Variants in TAF1A observed in about 807,000 individuals in gnomAD.
TAF1A encodes the protein TATA-box binding protein associated factor, RNA polymerase I subunit A, also known as TATA box-binding protein-associated factor RNA polymerase I subunit A.
A neutral mutation model predicts 61.6 loss-of-function variants in TAF1A; 42 were observed. The ratio of observed to expected loss-of-function variants is 0.68; its 90% CI spans 0.53 to 0.88. The LOEUF is 0.88. Among genes scored for constraint, TAF1A ranks in the 40% least tolerant of loss-of-function variants. The pLI, the probability that TAF1A is intolerant of heterozygous loss-of-function variation, is 0.00. For missense variants in TAF1A, 424 were observed against 518.7 expected (o/e 0.82, Z 1.77); for synonymous variants, 179 against 177.7 (o/e 1.01, Z -0.06).
chr1:222,578,856 A>C (rs1660676157), intron 4 of TAF1A, among the ~76,000 whole-genome samples: 1 of 152,216 alleles, frequency 6.6e-6, no homozygotes, highest in Non-Finnish European at 1.5e-5. Flanking sequence ...AACAACAAAA[A>C]AAATTGTATT....
At chr1:222,554,550 T>A (rs1659706468), downstream of TAF1A, among the ~76,000 whole-genome samples, 1 of 152,238 alleles carries the variant, frequency 6.6e-6, no homozygotes, top group African/African-American at 2.4e-5. Flanking sequence ...GCCCTTGTGC[T>A]GTAAATATAG....
rs201906913 is a variant in TAF1A, at chr1:222,588,433, T to C, written c.121+10A>G. The C allele has an allele frequency of 9.9e-6, 16 of 1,611,172 alleles. No homozygotes were observed. The East Asian group carries it at 1.1e-4, about 11-fold the overall frequency. On this transcript the variant is annotated intron_variant, in intron 2 of 10. Coordinates refer to ENST00000352967, the MANE Select transcript of TAF1A (RefSeq NM_005681.4). ...AAGTTAAAATGGCTCAATGTTATTA[T>C]TTTACTTACCCACAGTTTCTACGTA...
chr1:222,586,633 T>C (rs1201720426), intron 2 of TAF1A, among the ~76,000 whole-genome samples: 1 of 152,212 alleles, frequency 6.6e-6, no homozygotes, highest in East Asian at 1.9e-4. Context: ...TCAAAGAATC[T>C]GGAAACTTAT....
intron 5 of TAF1A, among the ~76,000 whole-genome samples, chr1:222,572,354 T>C (rs1660393377): frequency 6.6e-6 from 1 of 152,080 alleles, no homozygotes; most frequent in Non-Finnish European, 1.5e-5. Context: ...GGTAACTAAT[T>C]TTCTTTTGTG....
intron 10 of TAF1A, among the ~76,000 whole-genome samples, chr1:222,560,003 C>T (rs545655437): frequency 4.6e-5 from 7 of 152,268 alleles, no homozygotes; most frequent in African/African-American, 1.7e-4. Context: ...GCTTAATAAA[C>T]TAACTCTCAA....
rs1661117749 is a variant in TAF1A, at chr1:222,588,539, T to C, written c.25A>G (p.Lys9Glu). Residue 9 changes from lysine to glutamate, a missense_variant, in exon 2 of 11, where the codon AAA (lysine) becomes GAA (glutamate). Physicochemically the swap from Lys to Glu is moderately conservative, Grantham distance 56. Transcript: ENST00000352967. ...TCTTCATCATCTGTCACAGGCCCTT[T>C]TAATTCTTCACTGAAATCACTCATA... MSDFSEELKGPVTDDEEVE... is the reference protein window; with the variant it reads MSDFSEELEGPVTDDEEVE... The C allele has an allele frequency of 1.2e-6, 2 of 1,614,020 alleles. No individual in the cohort carries two copies. The highest frequency in any genetic ancestry group is 2.7e-5 in the African/African-American group (2 of 75,056).
intron 3 of TAF1A, among the ~76,000 whole-genome samples, chr1:222,580,267 T>C (rs1462709209): frequency 6.6e-6 from 1 of 152,198 alleles, no homozygotes; most frequent in Non-Finnish European, 1.5e-5. Flanking sequence ...ATCTGCAAAA[T>C]GAGGGCAACA....
intron 2 of TAF1A, among the ~76,000 whole-genome samples, chr1:222,587,103 C>T (rs1258284051): frequency 6.6e-6 from 1 of 152,146 alleles, no homozygotes; most frequent in African/African-American, 2.4e-5. Context: ...ACCAGGGATG[C>T]GGTAGCACTA....
At chr1:222,570,420 C>A in intron 6 of TAF1A, 115 bp downstream of exon 6, 1 of 1,157,174 alleles carries the variant, frequency 8.6e-7, no homozygotes. Context: ...TTTTTGCTTT[C>A]TTTTAAATAA....
intron 6 of TAF1A, 35 bp downstream of exon 6, chr1:222,570,500 A>G: frequency 6.3e-7 from 1 of 1,579,154 alleles, no homozygotes; most frequent in East Asian, 2.2e-5. Flanking sequence ...TTTTGACAAA[A>G]TAAAACCAAT....
At position 222,569,465 on chromosome 1, in the gene TAF1A, G is replaced by A. The variant is rs773586045; in HGVS notation, c.894+45C>T. 6.8e-6 allele frequency: 11 copies of A among 1,613,332 alleles called. No homozygotes were observed. In the Admixed American group the frequency reaches 1.8e-4, roughly 27 times the overall value. The stretch of plus-strand genomic sequence containing the variant: ...AGCAATGGCCTAAGAATGTTTTAAT[G>A]TAGATTCCCAACCCTGGTCAAACAT... On this transcript the variant is annotated intron_variant, in intron 7 of 10. Coordinates refer to ENST00000352967, the MANE Select transcript of TAF1A (RefSeq NM_005681.4).
intron 3 of TAF1A, among the ~76,000 whole-genome samples, chr1:222,580,803 T>C (rs544688789): frequency 6.6e-6 from 1 of 151,406 alleles, no homozygotes; most frequent in South Asian, 2.1e-4. Flanking sequence ...TTTGAGATTA[T>C]GATAGCTATT....
In TAF1A at chr1:222,577,555, T is replaced by G. The variant is rs760052839; in HGVS notation, c.494A>C (p.His165Pro). The G allele has an allele frequency of 4.3e-5, 69 of 1,613,888 alleles. No individual in the cohort carries two copies. Among genetic ancestry groups the G allele is most frequent in the Non-Finnish European group, 5.7e-5 (67 of 1,179,888 alleles). ...RNLSEAETWR[H>P]GENTSSREIL... Reference sequence around the variant, plus strand: ...TTCCCGGGAAGACGTATTTTCACCATGTCTCCATGTCTCTGCCTCACTCAG... The same window carrying G: ...TTCCCGGGAAGACGTATTTTCACCAGGTCTCCATGTCTCTGCCTCACTCAG... The change falls in exon 5 of 11, where the codon CAT becomes CCT. Residue 165 changes from histidine to proline, a missense_variant. Coordinates refer to ENST00000352967, the MANE Select transcript of TAF1A (RefSeq NM_005681.4).
intron 10 of TAF1A, among the ~76,000 whole-genome samples, chr1:222,560,353 G>A (rs1275815202): frequency 2.0e-5 from 3 of 152,146 alleles, no homozygotes; most frequent in South Asian, 2.1e-4. Flanking sequence ...ACTTTGATGC[G>A]ATGTTCACAT....
chr1:222,584,466 TATTA>T (rs1380243513), intron 2 of TAF1A, among the ~76,000 whole-genome samples, 169 bp from the exon 3 acceptor site: 1 of 152,208 alleles, frequency 6.6e-6, no homozygotes, highest in Non-Finnish European at 1.5e-5. Flanking sequence ...TTCTACATTA[TATTA>T]ATTATTTTTA....
chr1:222,584,884 C>A (rs779722725), intron 2 of TAF1A, among the ~76,000 whole-genome samples: 2 of 152,234 alleles, frequency 1.3e-5, no homozygotes, highest in Non-Finnish European at 2.9e-5. Context: ...ATTGCTACAT[C>A]TTCTTATCTT....
At chr1:222,577,741 G>T (rs1660632100) in intron 4 of TAF1A, 98 bp from the exon 5 acceptor site, 1 of 1,080,968 alleles carries the variant, frequency 9.3e-7, no homozygotes, top group African/African-American at 1.6e-5. Context: ...CAAAGACCTT[G>T]GTAGGATACA....
intron 5 of TAF1A, among the ~76,000 whole-genome samples, chr1:222,572,714 T>G (rs542985530): frequency 6.6e-6 from 1 of 152,226 alleles, no homozygotes; most frequent in South Asian, 2.1e-4. Context: ...ATAATAGACT[T>G]TTCAATAAAT....
Position 222,584,235 on chromosome 1 carries a change from G to C in TAF1A, c.184C>G (p.Gln62Glu). ...CATTGGTGCTTCAGCAGAGCTTCTT[G>C]GATAAAACTTAAACAAGCACTTGTT... is the stretch of plus-strand genomic sequence containing the variant. ...QTTSACLSFIQEALLKHQWQQ... is the reference protein window; with the variant it reads ...QTTSACLSFIEEALLKHQWQQ... The change falls in exon 3 of 11, where the codon CAA (glutamine) becomes GAA (glutamate). Residue 62 changes from glutamine to glutamate, a missense_variant. By Grantham distance (29) the Gln-to-Glu change is conservative (BLOSUM62 2). Transcript: ENST00000352967. 6.2e-7 allele frequency: 1 copy of C among 1,612,000 alleles called. No homozygotes were observed. Among genetic ancestry groups the C allele is most frequent in the South Asian group, 1.1e-5 (1 of 90,862 alleles).
Sources: gnomAD v4.1 joint callset for allele counts (sites outside exome capture counted in the v4.1 genomes callset) on GRCh38, gnomAD v4.1.1 for gene constraint, MANE v1.5 for transcripts, NCBI Gene and HGNC (gene_info 2026-07-23, HGNC 2026-07-21) for gene names.